NUP88: variants seen among roughly 807,000 people sequenced by gnomAD.
NUP88 encodes the protein nuclear pore complex protein Nup88.
NUP88 carries 57 observed loss-of-function variants against 93.9 expected under a neutral mutation model. The observed-to-expected ratio is 0.61, with a 90% CI of 0.49 to 0.76. NUP88 has a LOEUF of 0.76. NUP88 is among the 30% of genes least tolerant of loss of function. NUP88 has a pLI of 0.00. For synonymous variants in NUP88, 346 were observed against 336.8 expected (o/e 1.03, Z -0.30); for missense variants, 911 against 901.0 (o/e 1.01, Z -0.14).
At chr17:5,389,336 C>G (rs1175551831) in intron 10 of NUP88, among the ~76,000 whole-genome samples, 1 of 152,206 alleles carries the variant, frequency 6.6e-6, no homozygotes, top group Non-Finnish European at 1.5e-5. Context: ...AGCCAAGAAA[C>G]TGCTGTATAT....
intron 9 of NUP88, among the ~76,000 whole-genome samples, chr17:5,391,967 T>C (rs1002534975): frequency 7.7e-5 from 10 of 130,364 alleles, no homozygotes; most frequent in Non-Finnish European, 1.5e-4. Flanking sequence ...GCTATCTTTG[T>C]TTGCCTAGCC....
chr17:5,390,201 T>C (rs1266508056), intron 10 of NUP88, among the ~76,000 whole-genome samples: 5 of 152,034 alleles, frequency 3.3e-5, no homozygotes, highest in African/African-American at 4.8e-5. Flanking sequence ...AATTAATGTT[T>C]ATTTTTCCCC....
intron 16 of NUP88, 141 bp downstream of exon 16, chr17:5,386,567 A>G (rs562747723): frequency 9.6e-5 from 68 of 711,704 alleles, no homozygotes; most frequent in South Asian, 6.0e-4. Flanking sequence ...TTAAGTCCCT[A>G]TGTATCATGT....
intron 2 of NUP88, among the ~76,000 whole-genome samples, chr17:5,416,188 TAC>T (rs149950508): frequency 2.1e-4 from 27 of 126,146 alleles, no homozygotes; most frequent in Non-Finnish European, 3.6e-4. Context: ...TATACACACA[TAC>T]ACACACACAC....
intron 4 of NUP88, 44 bp from the exon 5 acceptor site, chr17:5,408,953 CA>C (rs1457089557): frequency 1.4e-6 from 2 of 1,444,748 alleles, no homozygotes; most frequent in Non-Finnish European, 1.8e-6. Flanking sequence ...ACAAAAACAA[CA>C]AAAAGTAAAA....
chr17:5,391,374 A>G (rs1912404293), intron 10 of NUP88, 187 bp downstream of exon 10: 1 of 545,876 alleles, frequency 1.8e-6, no homozygotes. Context: ...GCCAGAAACT[A>G]TACCTACAAT....
chr17:5,408,230 C>T (rs929193890), intron 5 of NUP88, among the ~76,000 whole-genome samples: 1 of 152,182 alleles, frequency 6.6e-6, no homozygotes, highest in Non-Finnish European at 1.5e-5. Context: ...TCATTTAATC[C>T]TGAATGAGAC....
intron 8 of NUP88, among the ~76,000 whole-genome samples, chr17:5,398,890 CTT>C (rs751156685): frequency 8.3e-5 from 11 of 131,898 alleles, no homozygotes; most frequent in South Asian, 2.4e-4. Flanking sequence ...TGCACCCAGC[CTT>C]TTTTTTTTTT....
intron 11 of NUP88, chr17:5,388,264 GT>G (rs1167690793): frequency 5.8e-6 from 1 of 173,648 alleles, no homozygotes; most frequent in Non-Finnish European, 1.2e-5. Context: ...GCCTCCCAAA[GT>G]GCTGGGATTA....
chr17:5,419,232 G>A, intron 1 of NUP88, 122 bp downstream of exon 1: 4 of 1,146,368 alleles, frequency 3.5e-6, no homozygotes, highest in Non-Finnish European at 2.3e-6. Context: ...GCGTATGGCA[G>A]CGTCGGAGTC....
chr17:5,416,147 A>AC (rs1014066078), intron 2 of NUP88, among the ~76,000 whole-genome samples: 1 of 83,866 alleles, frequency 1.2e-5, no homozygotes, highest in Non-Finnish European at 2.2e-5. Context: ...TCCATCTCAA[A>AC]AAAAAAAAAA....
chr17:5,419,211 T>C (rs1597335552), intron 1 of NUP88, 143 bp downstream of exon 1: 1 of 907,538 alleles, frequency 1.1e-6, no homozygotes, highest in Non-Finnish European at 1.6e-6. Flanking sequence ...AGAGCCTGAG[T>C]CCCCGCGACC....
intron 8 of NUP88, among the ~76,000 whole-genome samples, chr17:5,398,700 T>C (rs1912944746): frequency 6.6e-6 from 1 of 151,776 alleles, no homozygotes; most frequent in Non-Finnish European, 1.5e-5. Flanking sequence ...GCGACTCTCC[T>C]ACCTCAGCCT....
intron 10 of NUP88, among the ~76,000 whole-genome samples, chr17:5,390,916 G>C (rs373790766): frequency 6.6e-6 from 1 of 152,064 alleles, no homozygotes; most frequent in South Asian, 2.1e-4. Context: ...GGCTGATCTC[G>C]AACTCTGGGC....
At chr17:5,408,950 C>T (rs765003160) in intron 4 of NUP88, 41 bp from the exon 5 acceptor site, 14 of 1,461,210 alleles carry the variant, frequency 9.6e-6, no homozygotes, top group South Asian at 8.5e-5. Context: ...AAAACAAAAA[C>T]AACAAAAAGT....
rs752406806 is a variant in NUP88 at position 5,399,839 on chromosome 17, G to A, written c.1193-189C>T. Among the ~76,000 whole-genome samples the A allele has an allele frequency of 1.8e-4, 27 of 152,174 alleles. 1 individual carries two copies. Among genetic ancestry groups the A allele is most frequent in the Non-Finnish European group, 1.6e-4 (11 of 68,002 alleles). On this transcript the variant is annotated intron_variant, in intron 7 of 16. Transcript: ENST00000573584. Reference sequence around the variant, plus strand: ...AATTCAAATTTCAAATATATTTTAAGTACAGATATACCTCAGAGATACTGT... The same window carrying A: ...AATTCAAATTTCAAATATATTTTAAATACAGATATACCTCAGAGATACTGT...
At chr17:5,397,976 C>T (rs1017635605) in intron 8 of NUP88, among the ~76,000 whole-genome samples, 2 of 113,868 alleles carry the variant, frequency 1.8e-5, no homozygotes. Flanking sequence ...GATCTCGACT[C>T]GAATACAGCA....
intron 3 of NUP88, among the ~76,000 whole-genome samples, chr17:5,411,175 CAGAG>C (rs1913818652): frequency 6.6e-6 from 1 of 152,146 alleles, no homozygotes; most frequent in African/African-American, 2.4e-5. Context: ...CAAATCCCAC[CAGAG>C]AAAGAACTGT....
chr17:5,403,832 T>C (rs968444495), intron 7 of NUP88, among the ~76,000 whole-genome samples: 1 of 152,220 alleles, frequency 6.6e-6, no homozygotes, highest in African/African-American at 2.4e-5. Flanking sequence ...CTGAATAACA[T>C]GGTAGTTCTA....
Sources: allele counts gnomAD v4.1 joint callset (sites outside exome capture counted in the v4.1 genomes callset), GRCh38; gene constraint gnomAD v4.1.1; transcripts MANE v1.5; gene names NCBI Gene and HGNC (gene_info 2026-07-23, HGNC 2026-07-21).